AVEN: variants seen among roughly 807,000 people sequenced by gnomAD.
AVEN encodes the protein apoptosis and caspase activation inhibitor, also known as cell death regulator Aven.
Under a neutral mutation model 38.1 loss-of-function variants are expected in AVEN, and 41 were observed. That is an observed-to-expected ratio of 1.08 (90% CI 0.84 to 1.40). The LOEUF (loss-of-function observed/expected upper bound fraction) is 1.40, where lower values mean the gene tolerates loss of function less well. Ranked by LOEUF, AVEN falls within the 40% of genes most tolerant of loss-of-function variation. The pLI, the probability that AVEN is intolerant of heterozygous loss-of-function variation, is 0.00. For missense variants in AVEN, 605 were observed against 438.8 expected (o/e 1.38, Z -3.38); for synonymous variants, 206 against 171.8 (o/e 1.20, Z -1.56).
At chr15:34,056,800 T>TGAGGCCAGGAGTTC (rs1900169993) in intron 5 of AVEN, among the ~76,000 whole-genome samples, 1 of 151,974 alleles carries the variant, frequency 6.6e-6, no homozygotes, top group Admixed American at 6.6e-5. Flanking sequence ...GCAGATCACT[T>TGAGGCCAGGAGTTC]GAGGCCAGGA....
At chr15:33,875,247 C>G (rs947931164) in intron 3 of AVEN, among the ~76,000 whole-genome samples, 1 of 152,170 alleles carries the variant, frequency 6.6e-6, no homozygotes, top group African/African-American at 2.4e-5. Flanking sequence ...GTTTATCAGA[C>G]AGTATGCTCT....
intron 5 of AVEN, among the ~76,000 whole-genome samples, chr15:34,052,549 G>A (rs2568542): frequency 0.1 from 15,599 of 152,264 alleles, 952 homozygotes; most frequent in South Asian, 0.27. Context: ...AAGACAGGAT[G>A]TCAAATTATC....
chr15:33,900,150 C>G (rs1158795656), intron 2 of AVEN, among the ~76,000 whole-genome samples: 2 of 151,906 alleles, frequency 1.3e-5, no homozygotes, highest in Non-Finnish European at 2.9e-5. Flanking sequence ...TAGGATACTG[C>G]AATTATAGTT....
intron 2 of AVEN, among the ~76,000 whole-genome samples, chr15:33,971,818 G>A (rs1057420266): frequency 1.3e-5 from 2 of 151,792 alleles, no homozygotes; most frequent in Admixed American, 1.3e-4. Context: ...TTTTCCTTAT[G>A]AAGTGACCAA....
intron 2 of AVEN, among the ~76,000 whole-genome samples, chr15:33,949,852 A>C (rs1894667646): frequency 6.6e-6 from 1 of 152,210 alleles, no homozygotes; most frequent in South Asian, 2.1e-4. Context: ...TGATCCAGCA[A>C]TCCCACTTCT....
downstream of AVEN, among the ~76,000 whole-genome samples, chr15:33,862,451 C>T (rs538837870): frequency 1.3e-5 from 2 of 152,308 alleles, no homozygotes; most frequent in South Asian, 4.2e-4. Flanking sequence ...AAGCTATCCA[C>T]CCACCTTGGC....
chr15:33,964,356 T>C (rs1262824496), intron 2 of AVEN, among the ~76,000 whole-genome samples: 3 of 152,064 alleles, frequency 2.0e-5, no homozygotes, highest in Non-Finnish European at 4.4e-5. Flanking sequence ...AGCCAAATAA[T>C]AGGTCACAGG....
intron 1 of AVEN, 51 bp from the exon 2 acceptor site, chr15:34,003,260 T>A: frequency 6.4e-7 from 1 of 1,564,052 alleles, no homozygotes; most frequent in Non-Finnish European, 8.7e-7. Context: ...ATCCTGACCT[T>A]AGTAGACTTC....
At chr15:33,854,693 T>C (rs2079462641), downstream of AVEN, 2 of 1,528,764 alleles carry the variant, frequency 1.3e-6, no homozygotes, top group Admixed American at 2.1e-5. Context: ...TCTCCCAAAA[T>C]AAGAAAAAAT....
chr15:34,040,451 C>G (rs1393037688), upstream of AVEN, among the ~76,000 whole-genome samples: 1 of 152,130 alleles, frequency 6.6e-6, no homozygotes, highest in East Asian at 1.9e-4. Flanking sequence ...GAAGGATTGT[C>G]AACTCCAGAG....
At chr15:34,053,743 C>T (rs1900029980) in intron 5 of AVEN, among the ~76,000 whole-genome samples, 1 of 152,080 alleles carries the variant, frequency 6.6e-6, no homozygotes, top group Non-Finnish European at 1.5e-5. Context: ...AAAAGCTAGG[C>T]AATACCGTTC....
intron 1 of AVEN, among the ~76,000 whole-genome samples, chr15:34,071,702 A>AT (rs1900630023): frequency 6.6e-6 from 1 of 152,208 alleles, no homozygotes; most frequent in South Asian, 2.1e-4. Flanking sequence ...CTAGTATACC[A>AT]TATAGTGCAC....
chr15:33,915,867 C>A (rs969247989), intron 2 of AVEN, among the ~76,000 whole-genome samples: 1 of 152,142 alleles, frequency 6.6e-6, no homozygotes, highest in African/African-American at 2.4e-5. Flanking sequence ...ATGAGACTGG[C>A]CTTTTGGGCA....
intron 2 of AVEN, among the ~76,000 whole-genome samples, chr15:33,990,307 G>C (rs1209360574): frequency 1.3e-5 from 2 of 152,120 alleles, no homozygotes; most frequent in African/African-American, 4.8e-5. Flanking sequence ...GCTAGAACCT[G>C]GGAGGCAGAG....
intron 1 of AVEN, among the ~76,000 whole-genome samples, chr15:34,072,815 A>AT (rs1337090116): frequency 2.7e-5 from 4 of 146,780 alleles, no homozygotes; most frequent in Non-Finnish European, 6.0e-5. Flanking sequence ...CACTCAGCTA[A>AT]TTTTTTTGCA....
At chr15:33,861,317 C>T, downstream of AVEN, 2 of 584,282 alleles carry the variant, frequency 3.4e-6, no homozygotes, top group Non-Finnish European at 6.1e-6. Context: ...TACCTTTGTC[C>T]ATAGACTCTG....
At chr15:33,933,770 C>G (rs1893963460) in intron 2 of AVEN, among the ~76,000 whole-genome samples, 1 of 151,874 alleles carries the variant, frequency 6.6e-6, no homozygotes, top group East Asian at 1.9e-4. Context: ...ACCAGCCTGG[C>G]CAACATGGCA....
intron 4 of AVEN, 100 bp downstream of exon 4, chr15:33,870,835 A>G: frequency 1.3e-6 from 1 of 771,988 alleles, no homozygotes; most frequent in Non-Finnish European, 2.0e-6. Flanking sequence ...ACTTTTATAA[A>G]GGGAAGCTGA....
downstream of AVEN, chr15:33,857,672 T>G: frequency 1.4e-6 from 2 of 1,412,178 alleles, no homozygotes; most frequent in Non-Finnish European, 1.9e-6. Context: ...CCATTTCCTC[T>G]CCTTGCCCGT....
Sources: allele counts gnomAD v4.1 joint callset (sites outside exome capture counted in the v4.1 genomes callset), GRCh38; gene constraint gnomAD v4.1.1; transcripts MANE v1.5; gene names NCBI Gene and HGNC (gene_info 2026-07-23, HGNC 2026-07-21).